Variants in NUS1 observed in about 807,000 individuals in gnomAD.
NUS1 encodes the protein dehydrodolichyl diphosphate synthase complex subunit NUS1.
For missense variants in NUS1, 292 were observed against 382.9 expected (o/e 0.76, Z 1.98); for synonymous variants, 135 against 155.2 (o/e 0.87, Z 0.97).
chr6:117,698,883 T>C (rs1773358543), intron 3 of NUS1, among the ~76,000 whole-genome samples: 1 of 152,094 alleles, frequency 6.6e-6, no homozygotes, highest in Admixed American at 6.6e-5. Flanking sequence ...GAATATGATA[T>C]ATTGACAGTA....
At chr6:117,701,275 C>T (rs1165465501) in intron 3 of NUS1, among the ~76,000 whole-genome samples, 15 of 142,666 alleles carry the variant, frequency 1.1e-4, no homozygotes, top group East Asian at 8.5e-4. Flanking sequence ...GATGGAGTCT[C>T]GCTCTGTCGC....
At chr6:117,692,879 T>A (rs1773261648) in intron 1 of NUS1, among the ~76,000 whole-genome samples, 163 bp from the exon 2 acceptor site, 6 of 152,162 alleles carry the variant, frequency 3.9e-5, no homozygotes, top group Admixed American at 3.9e-4. Flanking sequence ...TAACAAAGTT[T>A]TGTTGTCATG....
At chr6:117,680,349 T>C (rs1773041440) in intron 1 of NUS1, among the ~76,000 whole-genome samples, 1 of 152,228 alleles carries the variant, frequency 6.6e-6, no homozygotes, top group Admixed American at 6.5e-5. Flanking sequence ...GTTCTAGCCT[T>C]AGCAGTGTTG....
At chr6:117,689,543 T>G (rs1386233153) in intron 1 of NUS1, among the ~76,000 whole-genome samples, 1 of 151,700 alleles carries the variant, frequency 6.6e-6, no homozygotes, top group Admixed American at 6.6e-5. Flanking sequence ...TTTTACATTT[T>G]TTTTTGTTTT....
intron 1 of NUS1, among the ~76,000 whole-genome samples, chr6:117,689,567 T>C (rs1773186489): frequency 6.6e-6 from 1 of 151,990 alleles, no homozygotes; most frequent in Admixed American, 6.6e-5. Context: ...TTTTGTTTTT[T>C]TTTGTCTGTT....
At chr6:117,698,140 T>A (rs895427710) in intron 3 of NUS1, among the ~76,000 whole-genome samples, 2 of 151,886 alleles carry the variant, frequency 1.3e-5, no homozygotes, top group Non-Finnish European at 2.9e-5. Flanking sequence ...CCAAAACCTA[T>A]GGGATGCAGC....
chr6:117,692,847 G>T (rs1773261271), intron 1 of NUS1, among the ~76,000 whole-genome samples, 195 bp from the exon 2 acceptor site: 1 of 151,542 alleles, frequency 6.6e-6, no homozygotes, highest in South Asian at 2.1e-4. Context: ...TCTTTTTTTT[G>T]CTGGAAGCCA....
At chr6:117,695,353 T>C (rs1327605555) in intron 3 of NUS1, among the ~76,000 whole-genome samples, 2 of 152,176 alleles carry the variant, frequency 1.3e-5, no homozygotes, top group Non-Finnish European at 2.9e-5. Context: ...TTCCTACTTT[T>C]GTTGACTACT....
In NUS1 at chr6:117,675,824, C is replaced by G. The variant is rs1472312886; in HGVS notation, c.154C>G (p.Leu52Val). 5.2e-6 allele frequency: 8 copies of G among 1,550,144 alleles called. No individual in the cohort carries two copies. Among genetic ancestry groups the G allele is most frequent in the Non-Finnish European group, 7.0e-6 (8 of 1,148,772 alleles). ...RAASAAVLAP[L>V]GFTLRKPPAV... Reference sequence around the variant, plus strand: ...CGCCTCTGCCGCGGTCCTAGCGCCGCTCGGCTTCACGCTCCGCAAGCCCCC... The same window carrying G: ...CGCCTCTGCCGCGGTCCTAGCGCCGGTCGGCTTCACGCTCCGCAAGCCCCC... Residue 52 changes from leucine (L) to valine (V), a missense_variant, in exon 1 of 5, where the codon CTC (leucine) becomes GTC (valine). Leu to Val is a conservative substitution (Grantham distance 32). Coordinates refer to ENST00000368494, the MANE Select transcript of NUS1 (RefSeq NM_138459.5).
chr6:117,687,766 T>A (rs1773161349), intron 1 of NUS1, among the ~76,000 whole-genome samples: 2 of 152,224 alleles, frequency 1.3e-5, no homozygotes, highest in Admixed American at 1.3e-4. Flanking sequence ...GGAATGTTAA[T>A]GTTGGGCTGA....
At chr6:117,676,685 T>G (rs1772987893) in intron 1 of NUS1, among the ~76,000 whole-genome samples, 1 of 152,234 alleles carries the variant, frequency 6.6e-6, no homozygotes, top group Non-Finnish European at 1.5e-5. Context: ...TTAAAAACAT[T>G]AACTGATTTG....
chr6:117,703,972 G>A (rs1203813961), intron 4 of NUS1, among the ~76,000 whole-genome samples: 2 of 152,242 alleles, frequency 1.3e-5, no homozygotes, highest in South Asian at 2.1e-4. Context: ...GGCTTGATCC[G>A]CAGATACATA....
chr6:117,688,808 A>G (rs936148488), intron 1 of NUS1, among the ~76,000 whole-genome samples: 2 of 152,124 alleles, frequency 1.3e-5, no homozygotes, highest in African/African-American at 4.8e-5. Context: ...TTCATCATGG[A>G]TAGTTTGGCA....
intron 1 of NUS1, among the ~76,000 whole-genome samples, chr6:117,686,137 T>C (rs1773136068): frequency 6.8e-6 from 1 of 146,818 alleles, no homozygotes; most frequent in Non-Finnish European, 1.5e-5. Context: ...GGTGGGCGCC[T>C]ATAGTCCCAG....
At chr6:117,687,819 A>G (rs1174175637) in intron 1 of NUS1, among the ~76,000 whole-genome samples, 2 of 152,206 alleles carry the variant, frequency 1.3e-5, no homozygotes, top group Non-Finnish European at 2.9e-5. Context: ...GAAACATTTA[A>G]GATACTGAAG....
intron 1 of NUS1, among the ~76,000 whole-genome samples, chr6:117,685,991 G>A (rs990764713): frequency 2.0e-5 from 3 of 147,306 alleles, no homozygotes; most frequent in East Asian, 4.1e-4. Flanking sequence ...GCTGGGCGCC[G>A]TGGCTCACGC....
chr6:117,699,734 G>A (rs1482395511), intron 3 of NUS1, among the ~76,000 whole-genome samples: 4 of 152,022 alleles, frequency 2.6e-5, no homozygotes, highest in African/African-American at 7.2e-5. Context: ...GAGGAATCAC[G>A]TTACCTGACT....
intron 1 of NUS1, among the ~76,000 whole-genome samples, chr6:117,683,031 G>A (rs1773085095): frequency 6.6e-6 from 1 of 152,174 alleles, no homozygotes; most frequent in Non-Finnish European, 1.5e-5. Context: ...TAAAAAACCA[G>A]CTAAAAATTT....
chr6:117,675,471 A>C lies in NUS1; in HGVS notation c.-200A>C. On this transcript the variant is annotated 5_prime_UTR_variant, in exon 1 of 5. Coordinates refer to ENST00000368494, the MANE Select transcript of NUS1 (RefSeq NM_138459.5). ...GCTGGCCAATCGGAACTGTCCATGT[A>C]CTACTGGGGGCGGGGCTGCCAAGGG... 1 of 601,638 alleles carries C rather than the reference A, an allele frequency of 1.7e-6. No homozygotes were observed. The highest frequency in any genetic ancestry group is 1.9e-5 in the South Asian group (1 of 51,528). 37.3% of individuals were successfully genotyped at this position (601,638 alleles called of 1,614,324 possible). A position where few individuals can be genotyped will look rare whatever the true frequency, so the allele number is the denominator to read the frequency against.
Sources: allele counts gnomAD v4.1 joint callset (sites outside exome capture counted in the v4.1 genomes callset), GRCh38; gene constraint gnomAD v4.1.1; transcripts MANE v1.5; gene names NCBI Gene and HGNC (gene_info 2026-07-23, HGNC 2026-07-21).